The following CTNNA3 variants were observed in gnomAD, a reference collection of about 807,000 sequenced individuals.
The protein encoded by CTNNA3 is catenin alpha 3.
A neutral mutation model predicts 95.7 loss-of-function variants in CTNNA3; 76 were observed. The observed-to-expected ratio is 0.79, with a 90% CI of 0.66 to 0.96. The LOEUF is 0.96. Ranked by LOEUF, CTNNA3 falls within the 40% of genes least tolerant of loss-of-function variation. CTNNA3 has a pLI of 0.00. For synonymous variants in CTNNA3, 431 were observed against 374.4 expected (o/e 1.15, Z -1.74); for missense variants, 1,191 against 1,089.8 (o/e 1.09, Z -1.31).
chr10:67,003,346 T>TA (rs1851788920), intron 7 of CTNNA3, among the ~76,000 whole-genome samples: 1 of 152,172 alleles, frequency 6.6e-6, no homozygotes. Flanking sequence ...ATTCCTGGCA[T>TA]AAAAAGAGCT....
chr10:66,061,524 T>C (rs2080199026), intron 15 of CTNNA3, among the ~76,000 whole-genome samples: 1 of 152,126 alleles, frequency 6.6e-6, no homozygotes, highest in Admixed American at 6.6e-5. Context: ...ATCATTTCCA[T>C]TATGCCCCTA....
rs1554850969 is a variant in CTNNA3, at chr10:66,777,789, A to ACATG, written c.1048-2266_1048-2265insCATG. ...CACACACACACACACACACACACAC[A>ACATG]CACACACATGCACACACACACACAC... is the stretch of plus-strand genomic sequence containing the variant. On this transcript the variant is annotated intron_variant, in intron 7 of 17. Transcript: ENST00000433211. 3.0e-3 allele frequency among the ~76,000 whole-genome samples: 384 copies of ACATG among 126,928 alleles called. 12 individuals carry two copies. In the East Asian group the frequency reaches 0.064, roughly 21 times the overall value. 83.3% of individuals were successfully genotyped at this position (126,928 alleles called of 152,430 possible). A position where few individuals can be genotyped will look rare whatever the true frequency, so the allele number is the denominator to read the frequency against.
chr10:66,689,581 G>C (rs560394953), intron 9 of CTNNA3, among the ~76,000 whole-genome samples: 2 of 152,174 alleles, frequency 1.3e-5, no homozygotes, highest in African/African-American at 4.8e-5. Context: ...AAATATTATG[G>C]TCAGTTTTCT....
intron 15 of CTNNA3, among the ~76,000 whole-genome samples, chr10:66,024,340 C>A (rs772646246): frequency 2.0e-5 from 3 of 152,102 alleles, no homozygotes; most frequent in Non-Finnish European, 2.9e-5. Context: ...CCGCCCACCT[C>A]GGCTTCCCAA....
At chr10:66,522,618 C>T (rs1249773685) in intron 10 of CTNNA3, among the ~76,000 whole-genome samples, 1 of 151,894 alleles carries the variant, frequency 6.6e-6, no homozygotes, top group African/African-American at 2.4e-5. Flanking sequence ...ATCCCCAGCC[C>T]TGTGGAGCTG....
chr10:67,320,614 G>T (rs2132550822), intron 5 of CTNNA3, among the ~76,000 whole-genome samples: 1 of 152,330 alleles, frequency 6.6e-6, no homozygotes, highest in Admixed American at 6.5e-5. Context: ...AGTAGGTTCT[G>T]TTATGGGGGC....
intron 6 of CTNNA3, among the ~76,000 whole-genome samples, chr10:67,215,331 A>T (rs533262870): frequency 2.2e-4 from 33 of 152,150 alleles, no homozygotes; most frequent in Admixed American, 1.0e-3. Context: ...TAATTTCAAT[A>T]TCTACAGTGT....
chr10:67,483,317 C>T (rs999299853), intron 5 of CTNNA3, among the ~76,000 whole-genome samples: 2 of 143,564 alleles, frequency 1.4e-5, no homozygotes, highest in Non-Finnish European at 3.0e-5. Context: ...CACATGCACA[C>T]ATATGTTTAT....
At chr10:66,307,532 CAG>C (rs1220129550) in intron 12 of CTNNA3, among the ~76,000 whole-genome samples, 2 of 152,080 alleles carry the variant, frequency 1.3e-5, no homozygotes, top group East Asian at 1.9e-4. Context: ...TCTAATTATT[CAG>C]AGAGATGACA....
intron 5 of CTNNA3, among the ~76,000 whole-genome samples, chr10:67,488,105 G>A (rs2133071540): frequency 1.3e-5 from 2 of 152,294 alleles, no homozygotes; most frequent in South Asian, 2.1e-4. Flanking sequence ...TTTCGAAATT[G>A]GAGGTTCTTG....
intron 2 of CTNNA3, among the ~76,000 whole-genome samples, chr10:67,626,668 C>T (rs1182333702): frequency 1.3e-5 from 2 of 152,122 alleles, no homozygotes; most frequent in Non-Finnish European, 2.9e-5. Flanking sequence ...ACTCAAAAGT[C>T]GTGAATGGGT....
chr10:66,670,795 T>C lies in CTNNA3; in HGVS notation c.1282-49011A>G, dbSNP rs56041051. Among the ~76,000 whole-genome samples, 1,400 of 152,344 alleles carry C rather than the reference T, an allele frequency of 9.2e-3. 23 individuals are homozygous for C. Among genetic ancestry groups the C allele is most frequent in the African/African-American group, 0.031 (1,290 of 41,586 alleles). Reference sequence around the variant, plus strand: ...ATCTTGCAGAGACATCTGAATTCTGTCTACCACAGGGTGTGCCCACCAGAT... The same window carrying C: ...ATCTTGCAGAGACATCTGAATTCTGCCTACCACAGGGTGTGCCCACCAGAT... On this transcript the variant is annotated intron_variant, in intron 9 of 17. Coordinates refer to ENST00000433211, the MANE Select transcript of CTNNA3 (RefSeq NM_013266.4).
intron 7 of CTNNA3, among the ~76,000 whole-genome samples, chr10:66,777,444 A>G (rs1038568930): frequency 6.6e-6 from 1 of 151,798 alleles, no homozygotes; most frequent in Non-Finnish European, 1.5e-5. Context: ...GGTTATTTCT[A>G]TGAGCACTAA....
At chr10:66,454,364 A>G (rs999756319) in intron 11 of CTNNA3, among the ~76,000 whole-genome samples, 9 of 152,220 alleles carry the variant, frequency 5.9e-5, no homozygotes, top group African/African-American at 1.9e-4. Flanking sequence ...AAAGAAAAAA[A>G]GGAGAAAGCC....
chr10:66,481,845 G>A (rs1165354207), intron 11 of CTNNA3, among the ~76,000 whole-genome samples: 2 of 152,140 alleles, frequency 1.3e-5, no homozygotes, highest in Admixed American at 6.6e-5. Flanking sequence ...GGAACGACAT[G>A]TGTTGGTCCA....
At chr10:66,186,622 A>C (rs1056568351) in intron 13 of CTNNA3, among the ~76,000 whole-genome samples, 20 of 152,172 alleles carry the variant, frequency 1.3e-4, no homozygotes, top group African/African-American at 4.6e-4. Flanking sequence ...TAAAGAAATA[A>C]AATTATCTGA....
intron 10 of CTNNA3, among the ~76,000 whole-genome samples, chr10:66,545,430 A>G (rs947375823): frequency 6.6e-6 from 1 of 152,092 alleles, no homozygotes; most frequent in Non-Finnish European, 1.5e-5. Flanking sequence ...TTCATTATAT[A>G]AATATAACAC....
chr10:66,204,900 A>G (rs1413333042), intron 13 of CTNNA3, among the ~76,000 whole-genome samples: 1 of 152,166 alleles, frequency 6.6e-6, no homozygotes, highest in Non-Finnish European at 1.5e-5. Flanking sequence ...GGCACATATT[A>G]TTATATAATT....
chr10:66,554,880 C>A (rs1842343474), intron 10 of CTNNA3, among the ~76,000 whole-genome samples: 1 of 151,838 alleles, frequency 6.6e-6, no homozygotes, highest in Admixed American at 6.6e-5. Context: ...TGTCCCTGTT[C>A]TTCTACTTTT....
Sources: gnomAD v4.1 joint callset for allele counts (sites outside exome capture counted in the v4.1 genomes callset) on GRCh38, gnomAD v4.1.1 for gene constraint, MANE v1.5 for transcripts, NCBI Gene and HGNC (gene_info 2026-07-23, HGNC 2026-07-21) for gene names.